The following PTPN13 variants were observed in gnomAD, a reference collection of about 807,000 sequenced individuals.
PTPN13 encodes the protein tyrosine-protein phosphatase non-receptor type 13.
PTPN13 carries 191 observed loss-of-function variants against 284.0 expected under a neutral mutation model. The observed-to-expected ratio is 0.67, with a 90% CI of 0.60 to 0.76. The LOEUF (loss-of-function observed/expected upper bound fraction) is 0.76. Ranked by LOEUF, PTPN13 falls within the 30% of genes least tolerant of loss-of-function variation. The probability of loss-of-function intolerance (pLI) is 0.00; values close to 1 mark genes in which losing one functional copy is unlikely to be tolerated. For synonymous variants in PTPN13, 986 were observed against 1,022.3 expected, an observed-to-expected ratio of 0.96 and a Z score of 0.68; for missense variants, 2,797 against 2,939.9, an observed-to-expected ratio of 0.95 and a Z score of 1.12.
intron 6 of PTPN13, among the ~76,000 whole-genome samples, chr4:86,694,427 A>G (rs1195060091): frequency 6.6e-6 from 1 of 151,766 alleles, no homozygotes; most frequent in Non-Finnish European, 1.5e-5. Flanking sequence ...TAAAAATACA[A>G]AAATTAGCCG....
chr4:86,630,318 T>C (rs17011965), intron 1 of PTPN13, among the ~76,000 whole-genome samples: 7,077 of 152,258 alleles, frequency 0.046, 221 homozygotes, highest in African/African-American at 0.06. Flanking sequence ...GTAAGACTTA[T>C]GTATAGCAAG....
At chr4:86,733,199 AT>A (rs1200836549) in intron 12 of PTPN13, among the ~76,000 whole-genome samples, 1 of 152,086 alleles carries the variant, frequency 6.6e-6, no homozygotes, top group Non-Finnish European at 1.5e-5. Flanking sequence ...AAGGCTAAAA[AT>A]TAGTTATTTC....
Position 86,803,756 on chromosome 4 carries a change from A to G in PTPN13, c.6553A>G (p.Lys2185Glu), listed in dbSNP as rs1744332472. Residue 2185 changes from lysine (K) to glutamate (E), a missense_variant, in exon 43 of 48, where the codon AAA (lysine) becomes GAA (glutamate). Lys to Glu is a moderately conservative substitution (Grantham distance 56). Coordinates refer to ENST00000411767, the MANE Select transcript of PTPN13 (RefSeq NM_080683.3). ...NDELAVLPVV[K>E]VLPSGKYTGA... ...TGAGCTCGCTGTACTCCCTGTCGTCAAAGTGCTTCCCTCTGGTAAATACAC... is the reference window on the plus strand; with the variant it reads ...TGAGCTCGCTGTACTCCCTGTCGTCGAAGTGCTTCCCTCTGGTAAATACAC... The G allele has an allele frequency of 6.2e-7, 1 of 1,613,932 alleles. No individual in the cohort carries two copies. The highest frequency in any genetic ancestry group is 8.5e-7 in the Non-Finnish European group (1 of 1,179,828).
chr4:86,670,942 CA>C (rs1727659122), intron 2 of PTPN13, among the ~76,000 whole-genome samples: 1 of 152,112 alleles, frequency 6.6e-6, no homozygotes, highest in African/African-American at 2.4e-5. Context: ...TTGGCAATAA[CA>C]ATTGTGAGCC....
In PTPN13 at chr4:86,797,215, G is replaced by A. The variant is rs113925979; in HGVS notation, c.6401+286G>A. Among the ~76,000 whole-genome samples, 891 of 152,052 alleles carry A rather than the reference G, an allele frequency of 5.9e-3. 3 individuals carry two copies. The highest frequency in any genetic ancestry group is 0.011 in the Non-Finnish European group (718 of 67,970). ...TTTCTACTAAAAATACAAGAACCCA[G>A]GCATGGTGTCTCATGCCTGTAATCC... On this transcript the variant is annotated intron_variant, in intron 41 of 47. Coordinates refer to ENST00000411767, the MANE Select transcript of PTPN13 (RefSeq NM_080683.3).
rs115493327 is a variant in PTPN13, at chr4:86,687,774, A to G, written c.360+999A>G. Among the ~76,000 whole-genome samples, 325 of 152,272 alleles carry G rather than the reference A, an allele frequency of 2.1e-3. 1 individual carries two copies. Among genetic ancestry groups the G allele is most frequent in the South Asian group, 7.0e-3 (34 of 4,824 alleles). On this transcript the variant is annotated intron_variant, in intron 4 of 47. Coordinates refer to ENST00000411767, the MANE Select transcript of PTPN13 (RefSeq NM_080683.3). Reference sequence around the variant, plus strand: ...AACTTGTAAAATGTGATCACAGTCTATAACACTTTATGTTCTTTTCTGATA... The same window carrying G: ...AACTTGTAAAATGTGATCACAGTCTGTAACACTTTATGTTCTTTTCTGATA...
intron 1 of PTPN13, among the ~76,000 whole-genome samples, chr4:86,628,252 T>C (rs1168439552): frequency 2.6e-5 from 4 of 152,168 alleles, no homozygotes; most frequent in African/African-American, 9.6e-5. Context: ...TGGTTAATCT[T>C]TTTAATTTTA....
At chr4:86,755,930 C>T (rs1390240823) in intron 20 of PTPN13, among the ~76,000 whole-genome samples, 2 of 151,748 alleles carry the variant, frequency 1.3e-5, no homozygotes, top group Non-Finnish European at 2.9e-5. Flanking sequence ...ACCAGAGCAA[C>T]TCAACCATTA....
At chr4:86,609,538 A>G (rs1765079368) in intron 1 of PTPN13, among the ~76,000 whole-genome samples, 1 of 152,188 alleles carries the variant, frequency 6.6e-6, no homozygotes, top group African/African-American at 2.4e-5. Flanking sequence ...GAAACTTTGT[A>G]TGTACCCTCG....
intron 15 of PTPN13, among the ~76,000 whole-genome samples, chr4:86,738,664 G>A (rs1456319727): frequency 6.6e-6 from 1 of 151,988 alleles, no homozygotes; most frequent in African/African-American, 2.4e-5. Context: ...CCTAGTCTGT[G>A]GCTTGCCTTA....
chr4:86,662,365 C>G (rs538944636), intron 2 of PTPN13, among the ~76,000 whole-genome samples: 38 of 152,270 alleles, frequency 2.5e-4, no homozygotes, highest in Middle Eastern at 6.8e-3. Context: ...CGGAGTCTCA[C>G]TCTGTCACCA....
chr4:86,761,607 T>G (rs964185748), intron 23 of PTPN13, among the ~76,000 whole-genome samples: 1 of 152,224 alleles, frequency 6.6e-6, no homozygotes, highest in Admixed American at 6.5e-5. Flanking sequence ...ATTCTCATTT[T>G]TGTCAGCCAA....
At position 86,798,445 on chromosome 4, in the gene PTPN13, T is replaced by C. The variant is rs1309044289; in HGVS notation, c.6402-656T>C. On this transcript the variant is annotated intron_variant, in intron 41 of 47. Transcript: ENST00000411767. ...CTAATGTCATCAGATGAAAGTACTC[T>C]GCTTTGTTCCCCCTGAATATCAGAA... Among the ~76,000 whole-genome samples, 3 of 152,238 alleles carry C rather than the reference T, an allele frequency of 2.0e-5. No homozygotes were observed. The East Asian group carries it at 5.8e-4, about 29-fold the overall frequency.
chr4:86,813,156 C>A (rs1408008342), intron 47 of PTPN13, among the ~76,000 whole-genome samples: 1 of 152,118 alleles, frequency 6.6e-6, no homozygotes, highest in Non-Finnish European at 1.5e-5. Flanking sequence ...TTCTTATATT[C>A]TTTGTCCTAA....
intron 1 of PTPN13, among the ~76,000 whole-genome samples, chr4:86,632,305 T>TG (rs1176413645): frequency 6.6e-6 from 1 of 152,182 alleles, no homozygotes; most frequent in Non-Finnish European, 1.5e-5. Context: ...CCTCACCCAC[T>TG]GGCAAGTTGC....
chr4:86,621,293 G>C (rs1391657993), intron 1 of PTPN13, among the ~76,000 whole-genome samples: 1 of 152,068 alleles, frequency 6.6e-6, no homozygotes, highest in Non-Finnish European at 1.5e-5. Context: ...TAAAGATGTA[G>C]CCCTCATGTA....
chr4:86,775,537 C>T lies in PTPN13; in HGVS notation c.5776C>T (p.Gln1926Ter), dbSNP rs1434332920. ...CGTCGCAGCCATTGAGGGTAATCTC[C>T]AGCTATTAGATGTCATCCATTATGT... ...RSVAAIEGNL[Q>*]LLDVIHYVNG... Residue 1926 changes from glutamine (Q) to a stop codon, truncating the protein, a stop_gained, in exon 35 of 48, where the codon CAG becomes TAG. Coordinates refer to ENST00000411767, the MANE Select transcript of PTPN13 (RefSeq NM_080683.3). LOFTEE classifies it high-confidence loss of function. 6.2e-7 allele frequency: 1 copy of T among 1,613,342 alleles called. No individual in the cohort carries two copies. The highest frequency in any genetic ancestry group is 8.5e-7 in the Non-Finnish European group (1 of 1,179,490).
Position 86,701,511 on chromosome 4 carries a change from C to T in PTPN13, c.905C>T (p.Ser302Phe). 6.2e-7 allele frequency: 1 copy of T among 1,613,972 alleles called. No individual in the cohort carries two copies. Among genetic ancestry groups the T allele is most frequent in the Non-Finnish European group, 8.5e-7 (1 of 1,179,890 alleles). The change falls in exon 7 of 48, where the codon TCC becomes TTC. Residue 302 changes from serine to phenylalanine, a missense_variant. Ser to Phe is a radical substitution (Grantham distance 155). Coordinates refer to ENST00000411767, the MANE Select transcript of PTPN13 (RefSeq NM_080683.3). The stretch of plus-strand genomic sequence containing the variant: ...TCTAAGAAGAAGATCTGGGCTTCAT[C>T]CATGGACTTGCTTTGTACAGCTGAC... ...VLSKKKIWAS[S>F]MDLLCTADRD...
chr4:86,687,033 G>A (rs578034867), intron 4 of PTPN13, among the ~76,000 whole-genome samples: 5 of 152,256 alleles, frequency 3.3e-5, no homozygotes, highest in South Asian at 4.1e-4. Context: ...CTGTGAGATG[G>A]ACCTGGCCTC....
Sources: gnomAD v4.1 joint callset for allele counts (sites outside exome capture counted in the v4.1 genomes callset) on GRCh38, gnomAD v4.1.1 for gene constraint, MANE v1.5 for transcripts, NCBI Gene and HGNC (gene_info 2026-07-23, HGNC 2026-07-21) for gene names.